Variants in PBX1 observed in about 807,000 individuals in gnomAD.
The protein encoded by PBX1 is PBX homeobox 1.
A neutral mutation model predicts 53.4 loss-of-function variants in PBX1; 6 were observed. The ratio of observed to expected loss-of-function variants is 0.11; its 90% CI spans 0.06 to 0.22. PBX1 has a LOEUF of 0.22. PBX1 is among the 10% of genes least tolerant of loss of function. The probability of loss-of-function intolerance (pLI) is 1.00; values close to 1 mark genes in which losing one functional copy is unlikely to be tolerated. For synonymous variants in PBX1, 204 were observed against 212.3 expected, an observed-to-expected ratio of 0.96 and a Z score of 0.34; for missense variants, 251 against 551.4, an observed-to-expected ratio of 0.46 and a Z score of 5.46.
chr1:164,828,220 A>G (rs1321834229), intron 8 of PBX1, among the ~76,000 whole-genome samples: 1 of 152,122 alleles, frequency 6.6e-6, no homozygotes, highest in Non-Finnish European at 1.5e-5. Flanking sequence ...AAACCTAGTG[A>G]TATGATCACA....
chr1:164,604,952 T>C (rs1242390119), intron 2 of PBX1, among the ~76,000 whole-genome samples: 3 of 152,150 alleles, frequency 2.0e-5, no homozygotes, highest in Admixed American at 6.5e-5. Flanking sequence ...CTTTATTCCA[T>C]AGAGGTGGAG....
chr1:164,870,289 C>CTTTT, intron 2 of PBX1, among the ~76,000 whole-genome samples: 1 of 32,614 alleles, frequency 3.1e-5, no homozygotes, highest in South Asian at 1.3e-3. Flanking sequence ...TTCTTTCTTT[C>CTTTT]TTTCTTTCTT....
chr1:164,659,702 A>G (rs1553225942), intron 2 of PBX1, among the ~76,000 whole-genome samples: 1 of 152,156 alleles, frequency 6.6e-6, no homozygotes, highest in Non-Finnish European at 1.5e-5. Context: ...CAAGAGCACT[A>G]AGCTTGGCCA....
chr1:164,708,949 C>T (rs1034596762), intron 2 of PBX1, among the ~76,000 whole-genome samples: 1 of 152,154 alleles, frequency 6.6e-6, no homozygotes, highest in Non-Finnish European at 1.5e-5. Flanking sequence ...TGCCAGGTAC[C>T]ATGGTAGGTG....
intron 2 of PBX1, among the ~76,000 whole-genome samples, chr1:164,746,345 A>G (rs1665889603): frequency 1.3e-5 from 2 of 152,152 alleles, no homozygotes; most frequent in African/African-American, 4.8e-5. Flanking sequence ...GCTATGGTAA[A>G]TAGTTGTCTT....
chr1:164,603,336 A>G (rs967509652), intron 2 of PBX1, among the ~76,000 whole-genome samples: 1 of 152,194 alleles, frequency 6.6e-6, no homozygotes, highest in Non-Finnish European at 1.5e-5. Flanking sequence ...TAAACAGAAT[A>G]TGGAGAAACT....
intron 8 of PBX1, among the ~76,000 whole-genome samples, chr1:164,826,435 C>G (rs1431835683): frequency 6.6e-6 from 1 of 151,948 alleles, no homozygotes; most frequent in Non-Finnish European, 1.5e-5. Flanking sequence ...GGCAGAGTCT[C>G]GCTCTGTCAC....
chr1:164,744,961 A>G (rs1264404160), intron 2 of PBX1, among the ~76,000 whole-genome samples: 3 of 152,156 alleles, frequency 2.0e-5, no homozygotes, highest in Admixed American at 6.6e-5. Flanking sequence ...TAAGCCATGT[A>G]ATACACCAAA....
Position 164,849,537 on chromosome 1 carries a change from G to A in PBX1, c.*2861G>A. ...CTACAGAGAGCAAGATGCACCCCAG[G>A]ATTTCTTCATTTTCTAATAGATGTG... On this transcript the variant is annotated 3_prime_UTR_variant, in exon 9 of 9. Transcript: ENST00000420696. 2 of 1,299,736 alleles carry A rather than the reference G, an allele frequency of 1.5e-6. No individual in the cohort carries two copies. The highest frequency in any genetic ancestry group is 2.1e-6 in the Non-Finnish European group (2 of 963,474). The allele number at this position is 1,299,736 out of a possible 1,614,324, so 80.5% of individuals were successfully genotyped here.
intron 3 of PBX1, among the ~76,000 whole-genome samples, chr1:164,796,961 G>A (rs938745178): frequency 6.6e-6 from 1 of 152,186 alleles, no homozygotes; most frequent in Non-Finnish European, 1.5e-5. Context: ...GGGAAGTGAG[G>A]AGGAGGTATG....
chr1:164,631,556 A>G (rs1284368686), intron 2 of PBX1, among the ~76,000 whole-genome samples: 2 of 152,202 alleles, frequency 1.3e-5, no homozygotes, highest in Non-Finnish European at 2.9e-5. Context: ...TATTTATTTT[A>G]GTTATTGGAG....
chr1:164,824,246 C>A (rs958940830), intron 8 of PBX1, among the ~76,000 whole-genome samples: 1 of 152,108 alleles, frequency 6.6e-6, no homozygotes, highest in Non-Finnish European at 1.5e-5. Flanking sequence ...AGACCATTTG[C>A]CTTTAACTGA....
chr1:164,712,487 G>A (rs1050438539), intron 2 of PBX1, among the ~76,000 whole-genome samples: 7 of 152,198 alleles, frequency 4.6e-5, no homozygotes, highest in Non-Finnish European at 7.3e-5. Flanking sequence ...AGATCTGTGA[G>A]CACAGGAGCC....
chr1:164,809,811 C>T (rs182522575), intron 5 of PBX1, among the ~76,000 whole-genome samples: 1 of 152,188 alleles, frequency 6.6e-6, no homozygotes, highest in Non-Finnish European at 1.5e-5. Context: ...TCCTCAGATC[C>T]CTAAAGAGCC....
chr1:164,603,929 A>ATTTTTTTTTTTTTTTTTTTTT lies in PBX1; in HGVS notation c.265+40631_265+40651dup, dbSNP rs71583414. Among the ~76,000 whole-genome samples the ATTTTTTTTTTTTTTTTTTTTT allele has an allele frequency of 4.4e-4, 33 of 75,736 alleles. 5 individuals carry two copies. Among genetic ancestry groups the ATTTTTTTTTTTTTTTTTTTTT allele is most frequent in the East Asian group, 6.3e-4 (1 of 1,582 alleles). The allele number at this position is 75,736 out of a possible 152,430, so 49.7% of individuals were successfully genotyped here. On this transcript the variant is annotated intron_variant, in intron 2 of 8. Coordinates refer to ENST00000420696, the MANE Select transcript of PBX1 (RefSeq NM_002585.4). ...GACACTCTGTACATTATGTCATTTC[A>ATTTTTTTTTTTTTTTTTTTTT]TTTTTTTTTTTTTTTTTTTTTTTTT...
At chr1:164,738,836 A>G (rs1665434168) in intron 2 of PBX1, among the ~76,000 whole-genome samples, 1 of 152,208 alleles carries the variant, frequency 6.6e-6, no homozygotes. Flanking sequence ...ACAGAAAACT[A>G]CTTTGCGAGG....
intron 2 of PBX1, among the ~76,000 whole-genome samples, chr1:164,693,008 A>G (rs890467508): frequency 1.3e-5 from 2 of 152,190 alleles, no homozygotes; most frequent in African/African-American, 4.8e-5. Flanking sequence ...GCTAATCCCC[A>G]GAGAGGTTTA....
At chr1:164,620,897 G>A (rs1218624161) in intron 2 of PBX1, among the ~76,000 whole-genome samples, 1 of 152,100 alleles carries the variant, frequency 6.6e-6, no homozygotes, top group Non-Finnish European at 1.5e-5. Flanking sequence ...TGGCCAGGCT[G>A]GTCTTGAACT....
intron 2 of PBX1, among the ~76,000 whole-genome samples, chr1:164,675,522 C>T (rs1009397313): frequency 6.6e-6 from 1 of 152,154 alleles, no homozygotes; most frequent in Non-Finnish European, 1.5e-5. Context: ...CAGGCCTAGC[C>T]AGCCAGAGTC....
Sources: allele counts gnomAD v4.1 joint callset (sites outside exome capture counted in the v4.1 genomes callset), GRCh38; gene constraint gnomAD v4.1.1; transcripts MANE v1.5; gene names NCBI Gene and HGNC (gene_info 2026-07-23, HGNC 2026-07-21).